The following MOV10 variants were observed in gnomAD, a reference collection of about 807,000 sequenced individuals.
MOV10 encodes the protein RNA helicase MOV-10.
A neutral mutation model predicts 108.4 loss-of-function variants in MOV10; 39 were observed. That is an observed-to-expected ratio of 0.36 (90% CI 0.28 to 0.47). The LOEUF is 0.47. MOV10 is among the 20% of genes least tolerant of loss of function. The pLI is 1.00. For missense variants in MOV10, 952 were observed against 1,297.6 expected (o/e 0.73, Z 4.09); for synonymous variants, 490 against 523.1 (o/e 0.94, Z 0.86).
chr1:112,694,276 G>C lies in MOV10; in HGVS notation c.1295+104G>C. ...GAGATAAATGAGACCCCGGGGCAGA[G>C]CAGGAGACTTTTCCTCAGGGGTACC... On this transcript the variant is annotated intron_variant, in intron 8 of 20. Transcript: ENST00000369645. This position sits in a 1 kb window ranked among gnomAD's most constrained non-coding sequence, Gnocchi z 4.1. 6.7e-7 allele frequency: 1 copy of C among 1,490,202 alleles called. No homozygotes were observed. Among genetic ancestry groups the C allele is most frequent in the East Asian group, 2.3e-5 (1 of 44,096 alleles). 92.3% of individuals were successfully genotyped at this position (1,490,202 alleles called of 1,614,324 possible).
intron 5 of MOV10, among the ~76,000 whole-genome samples, chr1:112,690,867 C>G (rs1361439454): frequency 6.6e-6 from 1 of 152,224 alleles, no homozygotes; most frequent in African/African-American, 2.4e-5. Context: ...AGAAACTGCT[C>G]ATCTACTTCC....
In MOV10 at chr1:112,698,461, TC is replaced by T; in HGVS notation, c.2495del (p.Pro832ArgfsTer29). On this transcript the variant is annotated frameshift_variant, in exon 16 of 21. Coordinates refer to ENST00000369645, the MANE Select transcript of MOV10 (RefSeq NM_001321324.2). LOFTEE classifies it high-confidence loss of function. Reference protein sequence around the residue: ...RLSPRSVGVISPYRKQVEKIR... With the variant: ...RLSPRSVGVIXPYRKQVEKIR... ...GAGCCCTCGAAGTGTGGGCGTCATC[TC>T]CCCGTACCGGAAACAGGTCAGGTCC... 6.2e-7 allele frequency: 1 copy of T among 1,613,894 alleles called. No individual in the cohort carries two copies. Among genetic ancestry groups the T allele is most frequent in the Non-Finnish European group, 8.5e-7 (1 of 1,179,964 alleles).
At chr1:112,686,384 A>G (rs1428324327) in intron 2 of MOV10, among the ~76,000 whole-genome samples, 2 of 152,160 alleles carry the variant, frequency 1.3e-5, no homozygotes, top group Non-Finnish European at 2.9e-5. Flanking sequence ...TCCCTGTATT[A>G]CTGGACCCCT....
rs527639451 is a variant in MOV10 at position 112,675,302 on chromosome 1, C to G, written c.137+253C>G. On this transcript the variant is annotated intron_variant, in intron 2 of 20. Coordinates refer to ENST00000369645, the MANE Select transcript of MOV10 (RefSeq NM_001321324.2). This position sits in a 1 kb window ranked among gnomAD's most constrained non-coding sequence, Gnocchi z 4.7. Reference sequence around the variant, plus strand: ...GCCGCGGAGAGCCTCCCGCGCTGCCCGCGCCCCCGGAGGCCGGAACCCGGG... The same window carrying G: ...GCCGCGGAGAGCCTCCCGCGCTGCCGGCGCCCCCGGAGGCCGGAACCCGGG... 1.3e-5 allele frequency among the ~76,000 whole-genome samples: 2 copies of G among 152,126 alleles called. No individual in the cohort carries two copies. The highest frequency in any genetic ancestry group is 2.1e-4 in the South Asian group (1 of 4,830).
intron 2 of MOV10, among the ~76,000 whole-genome samples, chr1:112,687,795 C>T (rs759481465): frequency 2.0e-5 from 3 of 152,140 alleles, no homozygotes; most frequent in African/African-American, 7.2e-5. Context: ...AGCAACCCTA[C>T]GAGGTAAGTC....
intron 2 of MOV10, 23 bp from the exon 3 acceptor site, chr1:112,688,912 C>T (rs747658175): frequency 1.2e-6 from 2 of 1,611,798 alleles, no homozygotes; most frequent in Non-Finnish European, 1.7e-6. Flanking sequence ...CCCTCACTTC[C>T]CAGTCTCCTC....
chr1:112,682,729 T>A (rs1476451246), intron 2 of MOV10, among the ~76,000 whole-genome samples: 1 of 152,202 alleles, frequency 6.6e-6, no homozygotes, highest in Non-Finnish European at 1.5e-5. Context: ...ATATAGTATG[T>A]ACTGTTGTGT....
Position 112,698,129 on chromosome 1 carries a change from A to T in MOV10, c.2316+18A>T, listed in dbSNP as rs1674278450. 6.2e-7 allele frequency: 1 copy of T among 1,610,242 alleles called. No individual in the cohort carries two copies. Among genetic ancestry groups the T allele is most frequent in the Non-Finnish European group, 8.5e-7 (1 of 1,176,736 alleles). ...CTCGACAGGTGAGGCTGAGCAGGGCAGGCCCCACCCCTGTACCCTGACTTC... is the reference window on the plus strand; with the variant it reads ...CTCGACAGGTGAGGCTGAGCAGGGCTGGCCCCACCCCTGTACCCTGACTTC... On this transcript the variant is annotated intron_variant, in intron 15 of 20. Coordinates refer to ENST00000369645, the MANE Select transcript of MOV10 (RefSeq NM_001321324.2).
At chr1:112,693,097 C>A (rs144691388) in intron 7 of MOV10, among the ~76,000 whole-genome samples, 168 bp downstream of exon 7, 1 of 152,322 alleles carries the variant, frequency 6.6e-6, no homozygotes, top group African/African-American at 2.4e-5. Flanking sequence ...TGTGTTGGAG[C>A]AGGGAAATGG....
At chr1:112,697,579 A>G (rs989013734) in intron 14 of MOV10, among the ~76,000 whole-genome samples, 5 of 152,228 alleles carry the variant, frequency 3.3e-5, no homozygotes, top group African/African-American at 1.2e-4. Flanking sequence ...TAAAATGCTT[A>G]GATAAGTTTT....
In MOV10 at chr1:112,674,966, G is replaced by T; in HGVS notation, c.54G>T (p.Glu18Asp). Reference sequence around the variant, plus strand: ...TCCGGGAGGCGGGCCAGTGTTTCGAGAGTTTCCTGGTCGTTCGGGGACTGG... The same window carrying T: ...TCCGGGAGGCGGGCCAGTGTTTCGATAGTTTCCTGGTCGTTCGGGGACTGG... Reference protein sequence around the residue: ...RQLREAGQCFESFLVVRGLDM... With the variant: ...RQLREAGQCFDSFLVVRGLDM... The change falls in exon 2 of 21, where the codon GAG becomes GAT. Residue 18 changes from glutamate (E) to aspartate (D), a missense_variant. Physicochemically the swap from Glu to Asp is conservative, Grantham distance 45 (BLOSUM62 2). Around this residue, in one of 5 missense-constraint regions of MOV10, gnomAD observed 374 missense variants for 468.6 expected, o/e 0.80. Coordinates refer to ENST00000369645, the MANE Select transcript of MOV10 (RefSeq NM_001321324.2). The T allele has an allele frequency of 6.3e-7, 1 of 1,582,792 alleles. No homozygotes were observed. Among genetic ancestry groups the T allele is most frequent in the Non-Finnish European group, 8.6e-7 (1 of 1,165,726 alleles).
chr1:112,689,377 T>TAC, intron 3 of MOV10, 38 bp from the exon 4 acceptor site: 3 of 792,802 alleles, frequency 3.8e-6, no homozygotes, highest in Admixed American at 1.8e-5. Flanking sequence ...GTCAGACCGC[T>TAC]CCCACCCCAA....
At chr1:112,692,203 A>C (rs1673646964) in intron 6 of MOV10, among the ~76,000 whole-genome samples, 1 of 152,164 alleles carries the variant, frequency 6.6e-6, no homozygotes, top group Admixed American at 6.5e-5. Flanking sequence ...GTGGTGGCAC[A>C]TGTCTGTAGT....
chr1:112,697,016 T>G (rs568322192), intron 14 of MOV10, among the ~76,000 whole-genome samples, 170 bp downstream of exon 14: 1 of 152,284 alleles, frequency 6.6e-6, no homozygotes, highest in East Asian at 1.9e-4. Flanking sequence ...CTGCTGCTTG[T>G]TGTCTGCGTG....
At chr1:112,700,007 C>T in intron 19 of MOV10, 25 bp downstream of exon 19, 2 of 1,613,502 alleles carry the variant, frequency 1.2e-6, no homozygotes, top group Non-Finnish European at 1.7e-6. Context: ...CCCATTCTCC[C>T]TCTTAGTGGC....
At chr1:112,691,863 C>T in intron 6 of MOV10, 64 bp downstream of exon 6, 2 of 1,554,112 alleles carry the variant, frequency 1.3e-6, no homozygotes, top group South Asian at 1.2e-5. Context: ...CTTTGCATTG[C>T]CCTGGCACCT....
At chr1:112,676,831 G>A (rs759074268) in intron 2 of MOV10, among the ~76,000 whole-genome samples, 7 of 152,150 alleles carry the variant, frequency 4.6e-5, no homozygotes, top group Non-Finnish European at 1.0e-4. Context: ...GTTTGGGGAG[G>A]CAAGGTCAAG....
At position 112,698,727 on chromosome 1, in the gene MOV10, C is replaced by T. The variant is rs867755838; in HGVS notation, c.2521C>T (p.Arg841Cys). ...CCCCTCCTTCCAGGTGGAGAAAATC[C>T]GTTACTGCATCACCAAACTTGACAG... ...SPYRKQVEKI[R>C]YCITKLDREL... Residue 841 changes from arginine to cysteine, a missense_variant, in exon 17 of 21, where the codon CGT becomes TGT. Physicochemically the swap from Arg to Cys is radical, Grantham distance 180. Around this residue, in one of 5 missense-constraint regions of MOV10, gnomAD observed 453 missense variants for 611.5 expected, o/e 0.74. Transcript: ENST00000369645. The T allele has an allele frequency of 1.9e-6, 3 of 1,614,082 alleles. No homozygotes were observed. The highest frequency in any genetic ancestry group is 1.6e-4 in the Middle Eastern group (1 of 6,062).
At chr1:112,699,601 C>T in intron 17 of MOV10, 84 bp from the exon 18 acceptor site, 2 of 1,591,254 alleles carry the variant, frequency 1.3e-6, no homozygotes, top group Non-Finnish European at 1.7e-6. Context: ...CTCTCTGTAC[C>T]CTCCTTGGAA....
Sources: allele counts gnomAD v4.1 joint callset (sites outside exome capture counted in the v4.1 genomes callset), GRCh38; gene constraint gnomAD v4.1.1; regional missense constraint gnomAD v4.1.1; non-coding constraint Gnocchi (gnomAD v3.1); transcripts MANE v1.5; gene names NCBI Gene and HGNC (gene_info 2026-07-23, HGNC 2026-07-21).